Variants in IQUB observed in about 807,000 individuals in gnomAD.
The protein encoded by IQUB is IQ motif and ubiquitin domain containing, also known as IQ motif and ubiquitin-like domain-containing protein.
IQUB carries 86 observed loss-of-function variants against 86.4 expected under a neutral mutation model. That is an observed-to-expected ratio of 1.00 (90% CI 0.84 to 1.19). The LOEUF (loss-of-function observed/expected upper bound fraction) is 1.19. IQUB is among the 50% of genes most tolerant of loss of function. The probability of loss-of-function intolerance (pLI) is 0.00; values close to 1 mark genes in which losing one functional copy is unlikely to be tolerated. For missense variants in IQUB, 946 were observed against 916.9 expected (o/e 1.03, Z -0.41); for synonymous variants, 289 against 304.5 (o/e 0.95, Z 0.53).
rs375794052 is a variant in IQUB at position 123,506,520 on chromosome 7, G to T, written c.533-3157C>A. On this transcript the variant is annotated intron_variant, in intron 3 of 12. Coordinates refer to ENST00000324698, the MANE Select transcript of IQUB (RefSeq NM_178827.5). ...GAAACTTACAATCATGGCAAAAGGTGAAGAAGGAGGCACGTTTTACATGGC... is the reference window on the plus strand; with the variant it reads ...GAAACTTACAATCATGGCAAAAGGTTAAGAAGGAGGCACGTTTTACATGGC... Among the ~76,000 whole-genome samples the T allele has an allele frequency of 1.6e-3, 245 of 152,260 alleles. 3 individuals are homozygous for T. The South Asian group carries it at 0.047, about 29-fold the overall frequency.
intron 1 of IQUB, among the ~76,000 whole-genome samples, chr7:123,517,054 C>A (rs1796668043): frequency 6.6e-6 from 1 of 152,124 alleles, no homozygotes; most frequent in African/African-American, 2.4e-5. Flanking sequence ...CCCAGAGGAA[C>A]AATGTGGAAT....
chr7:123,517,448 G>A (rs535218134), intron 1 of IQUB, among the ~76,000 whole-genome samples: 15 of 140,824 alleles, frequency 1.1e-4, no homozygotes, highest in African/African-American at 2.6e-4. Flanking sequence ...AGAGAATGGC[G>A]TGAACCCAGG....
chr7:123,466,398 C>T (rs967336143), intron 9 of IQUB, among the ~76,000 whole-genome samples: 8 of 151,988 alleles, frequency 5.3e-5, no homozygotes, highest in African/African-American at 1.9e-4. Flanking sequence ...TCTCTTTTTG[C>T]CAATCTGGTC....
chr7:123,512,140 G>C lies in IQUB; in HGVS notation c.201C>G (p.Ser67Arg). ...AIHVEEQSDQSFSSLEPDNEQ... is the reference protein window; with the variant it reads ...AIHVEEQSDQRFSSLEPDNEQ... ...CATTGTCTGGTTCCAGGCTTGAAAA[G>C]CTTTGGTCACTCTGCTCCTCAACAT... The change falls in exon 2 of 13, where the codon AGC becomes AGG. Residue 67 changes from serine to arginine, a missense_variant. Physicochemically the swap from Ser to Arg is moderately radical, Grantham distance 110. Transcript: ENST00000324698. 1 of 1,613,958 alleles carries C rather than the reference G, an allele frequency of 6.2e-7. No individual in the cohort carries two copies.
At chr7:123,517,794 C>T (rs1428257842) in intron 1 of IQUB, among the ~76,000 whole-genome samples, 30 of 152,114 alleles carry the variant, frequency 2.0e-4, no homozygotes. Context: ...ACAGCAATTA[C>T]ATTGTCTTTC....
chr7:123,478,912 G>A (rs553381240), intron 8 of IQUB, among the ~76,000 whole-genome samples: 117 of 152,208 alleles, frequency 7.7e-4, no homozygotes, highest in African/African-American at 2.8e-3. Context: ...TAGGCCATTG[G>A]ATATATGATG....
chr7:123,484,931 T>G (rs925385818), intron 7 of IQUB, among the ~76,000 whole-genome samples: 1 of 151,964 alleles, frequency 6.6e-6, no homozygotes, highest in Non-Finnish European at 1.5e-5. Context: ...TAACAAAGAA[T>G]AGAAAAACAG....
intron 7 of IQUB, among the ~76,000 whole-genome samples, chr7:123,494,087 A>G (rs1028735981): frequency 1.3e-5 from 2 of 152,142 alleles, no homozygotes; most frequent in Non-Finnish European, 1.5e-5. Flanking sequence ...AACCCCAATT[A>G]TTCTATTTAG....
intron 12 of IQUB, among the ~76,000 whole-genome samples, chr7:123,454,725 T>G (rs1793611611): frequency 1.3e-5 from 2 of 152,256 alleles, no homozygotes; most frequent in South Asian, 4.1e-4. Context: ...TTCCTGAATG[T>G]GTCTCAATCT....
intron 11 of IQUB, among the ~76,000 whole-genome samples, chr7:123,458,644 T>C (rs1486073207): frequency 6.6e-6 from 1 of 152,018 alleles, no homozygotes; most frequent in South Asian, 2.1e-4. Context: ...TTAATTTAGT[T>C]GCTCAACTGT....
At chr7:123,502,452 A>G in intron 6 of IQUB, 145 bp downstream of exon 6, 3 of 665,734 alleles carry the variant, frequency 4.5e-6, no homozygotes, top group South Asian at 1.9e-5. Flanking sequence ...CTGGAGATAA[A>G]GACTGCTTTG....
intron 1 of IQUB, chr7:123,532,555 G>C (rs1420714958): frequency 6.6e-6 from 1 of 152,180 alleles, no homozygotes; most frequent in African/African-American, 2.4e-5. Context: ...ACAGACCTTT[G>C]GGTAACTTCA....
chr7:123,461,514 G>A lies in IQUB; in HGVS notation c.1850C>T (p.Ser617Phe). Residue 617 changes from serine to phenylalanine, a missense_variant, in exon 11 of 13, where the codon TCC becomes TTC. Ser to Phe is a radical substitution (Grantham distance 155). Coordinates refer to ENST00000324698, the MANE Select transcript of IQUB (RefSeq NM_178827.5). Reference sequence around the variant, plus strand: ...ACACCGGTATATGCGGCGTGAGGTGGATGATACAGAAAATTCTGTAGAAGG... The same window carrying A: ...ACACCGGTATATGCGGCGTGAGGTGAATGATACAGAAAATTCTGTAGAAGG... ...YLPSTEFSVS[S>F]TSRRIYRCRN... 6.2e-7 allele frequency: 1 copy of A among 1,612,164 alleles called. No homozygotes were observed. Among genetic ancestry groups the A allele is most frequent in the Non-Finnish European group, 8.5e-7 (1 of 1,178,870 alleles).
intron 6 of IQUB, among the ~76,000 whole-genome samples, chr7:123,499,110 C>CTT (rs201256482): frequency 6.7e-6 from 1 of 150,360 alleles, no homozygotes; most frequent in Non-Finnish European, 1.5e-5. Flanking sequence ...AAAATGTTTC[C>CTT]TTTTTTTCTT....
At chr7:123,471,874 A>G (rs2117032106) in intron 8 of IQUB, among the ~76,000 whole-genome samples, 1 of 152,286 alleles carries the variant, frequency 6.6e-6, no homozygotes, top group Non-Finnish European at 1.5e-5. Context: ...CAGGCAATGA[A>G]ATTTGGATCC....
At chr7:123,500,509 C>G (rs992355718) in intron 6 of IQUB, among the ~76,000 whole-genome samples, 3 of 151,730 alleles carry the variant, frequency 2.0e-5, no homozygotes, top group East Asian at 3.9e-4. Context: ...TTTCTTGAAA[C>G]AAGAAAGATT....
intron 2 of IQUB, 39 bp from the exon 3 acceptor site, chr7:123,510,074 A>G: frequency 5.8e-6 from 8 of 1,391,250 alleles, no homozygotes; most frequent in Non-Finnish European, 7.9e-6. Flanking sequence ...ATAGTCAAAT[A>G]TAGCAAAGGT....
intron 11 of IQUB, 78 bp from the exon 12 acceptor site, chr7:123,457,644 AAATTAT>A (rs1793769100): frequency 9.5e-7 from 1 of 1,052,062 alleles, no homozygotes; most frequent in East Asian, 2.7e-5. Context: ...GCAAATAATT[AAATTAT>A]AGAGTATTTT....
At position 123,506,839 on chromosome 7, in the gene IQUB, G is replaced by A. The variant is rs550078706; in HGVS notation, c.532+3062C>T. On this transcript the variant is annotated intron_variant, in intron 3 of 12. Coordinates refer to ENST00000324698, the MANE Select transcript of IQUB (RefSeq NM_178827.5). ...ATAAATTAATTCATGCCACGGTAGA[G>A]GTAAGCCAGTTTTGTGCTAGAAAAA... Among the ~76,000 whole-genome samples the A allele has an allele frequency of 1.5e-4, 23 of 152,218 alleles. No individual in the cohort carries two copies. The South Asian group carries it at 4.6e-3, about 30-fold the overall frequency.
Sources: gnomAD v4.1 joint callset for allele counts (sites outside exome capture counted in the v4.1 genomes callset) on GRCh38, gnomAD v4.1.1 for gene constraint, MANE v1.5 for transcripts, NCBI Gene and HGNC (gene_info 2026-07-23, HGNC 2026-07-21) for gene names.